The following MOBP variants were observed in gnomAD, a reference collection of about 807,000 sequenced individuals.
MOBP encodes the protein myelin associated oligodendrocyte basic protein, also known as myelin-associated oligodendrocyte basic protein.
Under a neutral mutation model 15.0 loss-of-function variants are expected in MOBP, and 5 were observed. That is an observed-to-expected ratio of 0.33 (90% confidence interval 0.17 to 0.70). MOBP has a LOEUF of 0.70. Among genes scored for constraint, MOBP ranks in the 30% least tolerant of loss-of-function variants. MOBP has a pLI of 0.67. For synonymous variants in MOBP, 88 were observed against 99.0 expected (o/e 0.89, Z 0.66); for missense variants, 188 against 257.8 (o/e 0.73, Z 1.85).
chr3:39,516,637 A>G (rs1414544788), downstream of MOBP, among the ~76,000 whole-genome samples: 1 of 152,208 alleles, frequency 6.6e-6, no homozygotes, highest in Non-Finnish European at 1.5e-5. Flanking sequence ...GAAATGACCT[A>G]TATAATTCTT....
At chr3:39,482,638 C>T (rs532507661) in intron 2 of MOBP, among the ~76,000 whole-genome samples, 4 of 133,000 alleles carry the variant, frequency 3.0e-5, no homozygotes, top group African/African-American at 1.2e-4. Flanking sequence ...GGCAACAGAG[C>T]GACACTCTGT....
chr3:39,478,734 ATTC>A (rs1406511164), intron 1 of MOBP, among the ~76,000 whole-genome samples: 1 of 134,010 alleles, frequency 7.5e-6, no homozygotes, highest in Non-Finnish European at 1.8e-5. Flanking sequence ...CCTGAGAATA[ATTC>A]TTCTGTATAT....
At chr3:39,517,482 C>T (rs1385486440), downstream of MOBP, among the ~76,000 whole-genome samples, 1 of 152,164 alleles carries the variant, frequency 6.6e-6, no homozygotes, top group Non-Finnish European at 1.5e-5. Flanking sequence ...GCCACACCTT[C>T]ACATCAACAA....
chr3:39,487,568 G>T (rs1240761043), intron 2 of MOBP, among the ~76,000 whole-genome samples: 1 of 138,590 alleles, frequency 7.2e-6, no homozygotes, highest in Non-Finnish European at 1.5e-5. Context: ...CTGTCGCCCA[G>T]GCTGGAGTGC....
intron 2 of MOBP, among the ~76,000 whole-genome samples, chr3:39,497,205 G>T (rs1355984863): frequency 1.3e-5 from 2 of 152,188 alleles, no homozygotes; most frequent in Non-Finnish European, 2.9e-5. Context: ...GTGCCTGTAG[G>T]TCACACTTCC....
At chr3:39,519,720 T>C (rs984387992), downstream of MOBP, among the ~76,000 whole-genome samples, 1 of 152,142 alleles carries the variant, frequency 6.6e-6, no homozygotes, top group African/African-American at 2.4e-5. Context: ...AACTGCATTA[T>C]TTTCCTAAAC....
downstream of MOBP, chr3:39,527,300 G>GA (rs532087521): frequency 6.6e-6 from 1 of 151,982 alleles, no homozygotes; most frequent in East Asian, 1.9e-4. Flanking sequence ...ACTAGTAAGA[G>GA]AAAAAATATA....
rs375593006 is a variant in MOBP at position 39,468,766 on chromosome 3, GTGTATA to G, written c.-89+1028_-89+1033del. On this transcript the variant is annotated intron_variant, in intron 1 of 3. Transcript: ENST00000684792. ...TGTATATATACATATATACATGTGT[GTGTATA>G]TATACATATATACATGTGTGTGTAT... Among the ~76,000 whole-genome samples the G allele has an allele frequency of 6.0e-3, 554 of 92,798 alleles. 5 individuals are homozygous for G. Among genetic ancestry groups the G allele is most frequent in the African/African-American group, 0.011 (170 of 15,976 alleles). The allele number at this position is 92,798 out of a possible 152,430, so 60.9% of individuals were successfully genotyped here.
At chr3:39,495,903 C>CA (rs148463338) in intron 2 of MOBP, among the ~76,000 whole-genome samples, 12 of 150,324 alleles carry the variant, frequency 8.0e-5, no homozygotes, top group East Asian at 3.9e-4. Context: ...CAAAAGTACT[C>CA]AAAAAAAATG....
exon 5 of MOBP, chr3:39,513,407 C>A: frequency 6.2e-7 from 1 of 1,614,014 alleles, no homozygotes; most frequent in Non-Finnish European, 8.5e-7. Context: ...TCAGGCCAAC[C>A]CCAAAGAAGA....
At position 39,469,298 on chromosome 3, in the gene MOBP, G is replaced by GTA. The variant is rs1040765742; in HGVS notation, c.-89+1565_-89+1566dup. The stretch of plus-strand genomic sequence containing the variant: ...GATATATATACATATGTGTGTATAT[G>GTA]TATATATACACATATTTATATCTAA... On this transcript the variant is annotated intron_variant, in intron 1 of 3. Transcript: ENST00000684792. Among the ~76,000 whole-genome samples the GTA allele has an allele frequency of 3.0e-4, 43 of 141,766 alleles. 1 individual carries two copies. The highest frequency in any genetic ancestry group is 8.0e-3 in the Middle Eastern group (2 of 250). The allele number at this position is 141,766 out of a possible 152,430, so 93.0% of individuals were successfully genotyped here.
intron 3 of MOBP, among the ~76,000 whole-genome samples, chr3:39,521,953 G>A (rs756211094): frequency 7.2e-5 from 11 of 152,226 alleles, no homozygotes; most frequent in Non-Finnish European, 1.2e-4. Context: ...TGATGGTCTT[G>A]TGGTGGTGAG....
At chr3:39,510,510 A>T (rs987491027) in intron 4 of MOBP, among the ~76,000 whole-genome samples, 1 of 152,140 alleles carries the variant, frequency 6.6e-6, no homozygotes, top group East Asian at 1.9e-4. Flanking sequence ...TCTAGTACAT[A>T]GATCTTGCAC....
chr3:39,519,646 C>T (rs140589648), downstream of MOBP, among the ~76,000 whole-genome samples: 1 of 151,846 alleles, frequency 6.6e-6, no homozygotes, highest in African/African-American at 2.4e-5. Flanking sequence ...CTTTTCTATG[C>T]GTTTTCTCCT....
At chr3:39,507,553 G>A (rs1175414790), downstream of MOBP, among the ~76,000 whole-genome samples, 1 of 152,158 alleles carries the variant, frequency 6.6e-6, no homozygotes, top group Non-Finnish European at 1.5e-5. Flanking sequence ...TAAGATAGAG[G>A]TCATGCCCGA....
At chr3:39,473,696 G>A (rs1022959676) in intron 1 of MOBP, among the ~76,000 whole-genome samples, 2 of 152,178 alleles carry the variant, frequency 1.3e-5, no homozygotes, top group Non-Finnish European at 1.5e-5. Flanking sequence ...GCTAGCCCTG[G>A]GAGGGGCAGC....
chr3:39,519,853 C>G (rs2125674368), downstream of MOBP, among the ~76,000 whole-genome samples: 1 of 152,192 alleles, frequency 6.6e-6, no homozygotes, highest in Middle Eastern at 3.4e-3. Flanking sequence ...TGCAGCCTCC[C>G]CATGCCCCTC....
At chr3:39,523,670 AATACCT>A (rs1162171116) in intron 3 of MOBP, among the ~76,000 whole-genome samples, 1 of 152,192 alleles carries the variant, frequency 6.6e-6, no homozygotes, top group Non-Finnish European at 1.5e-5. Flanking sequence ...GCTTAATTTT[AATACCT>A]TCCCATAAGA....
intron 1 of MOBP, among the ~76,000 whole-genome samples, chr3:39,474,186 T>C (rs2042510787): frequency 6.6e-6 from 1 of 152,246 alleles, no homozygotes; most frequent in South Asian, 2.1e-4. Context: ...ATGGTTTATG[T>C]AAGTTATTGT....
Sources: allele counts gnomAD v4.1 joint callset (sites outside exome capture counted in the v4.1 genomes callset), GRCh38; gene constraint gnomAD v4.1.1; transcripts MANE v1.5; gene names NCBI Gene and HGNC (gene_info 2026-07-23, HGNC 2026-07-21).